The following CLDN10 variants were observed in gnomAD, a reference collection of about 807,000 sequenced individuals.
The protein encoded by CLDN10 is claudin 10.
A neutral mutation model predicts 22.9 loss-of-function variants in CLDN10; 15 were observed. The observed-to-expected ratio is 0.65, with a 90% CI of 0.44 to 1.01. The LOEUF is 1.01. Among genes scored for constraint, CLDN10 ranks in the 50% least tolerant of loss-of-function variants. The probability of loss-of-function intolerance (pLI) is 0.00; values close to 1 mark genes in which losing one functional copy is unlikely to be tolerated. For synonymous variants in CLDN10, 114 were observed against 111.4 expected (o/e 1.02, Z -0.15); for missense variants, 247 against 287.8 (o/e 0.86, Z 1.03).
chr13:95,561,799 T>G (rs916807186), intron 3 of CLDN10, among the ~76,000 whole-genome samples: 2 of 151,700 alleles, frequency 1.3e-5, no homozygotes, highest in African/African-American at 4.8e-5. Context: ...AGGGCCTCTT[T>G]CTGTCACTCA....
chr13:95,445,747 G>A (rs889207987), intron 1 of CLDN10, among the ~76,000 whole-genome samples: 14 of 152,268 alleles, frequency 9.2e-5, no homozygotes, highest in African/African-American at 3.4e-4. Context: ...GTTTGACCGA[G>A]TTTAATTTTT....
chr13:95,495,748 AAAAAAAAAAAG>A (rs1161712099), intron 1 of CLDN10, among the ~76,000 whole-genome samples: 2 of 149,812 alleles, frequency 1.3e-5, no homozygotes, highest in Non-Finnish European at 3.0e-5. Flanking sequence ...CACCTCAAAA[AAAAAAAAAAAG>A]AAAAGAAAGA....
At chr13:95,527,669 G>A (rs2043298162) in intron 1 of CLDN10, among the ~76,000 whole-genome samples, 1 of 152,200 alleles carries the variant, frequency 6.6e-6, no homozygotes, top group Non-Finnish European at 1.5e-5. Context: ...CAGGGAGCTG[G>A]AGGCTGCAGT....
chr13:95,498,665 G>T (rs2042952626), intron 1 of CLDN10, among the ~76,000 whole-genome samples: 1 of 152,156 alleles, frequency 6.6e-6, no homozygotes, highest in African/African-American at 2.4e-5. Context: ...AAAATGCTGG[G>T]ATTACAAGCA....
At chr13:95,511,999 C>T (rs1181336277) in intron 1 of CLDN10, among the ~76,000 whole-genome samples, 1 of 124,654 alleles carries the variant, frequency 8.0e-6, no homozygotes, top group African/African-American at 2.8e-5. Context: ...TCCCCCCCCT[C>T]TCCCCCCACC....
intron 1 of CLDN10, among the ~76,000 whole-genome samples, chr13:95,529,716 T>C (rs974182477): frequency 9.9e-5 from 15 of 152,194 alleles, no homozygotes; most frequent in Admixed American, 3.9e-4. Context: ...TGTGCAAAAA[T>C]CTCTGGTCAT....
intron 1 of CLDN10, among the ~76,000 whole-genome samples, chr13:95,547,149 GGGCTGGGAGAGATTACA>G (rs1186007820): frequency 6.6e-6 from 1 of 151,470 alleles, no homozygotes; most frequent in Non-Finnish European, 1.5e-5. Flanking sequence ...GCCTCTGGAG[GGGCTGGGAGAGATTACA>G]GGCACCCAGC....
Position 95,579,091 on chromosome 13 carries a change from G to T in CLDN10, c.*1077G>T, listed in dbSNP as rs541148625. Reference sequence around the variant, plus strand: ...AGTTATTTATATCCTACTGCTCAAGGTCATCGCCAAGGTGTGATTGGAAAA... The same window carrying T: ...AGTTATTTATATCCTACTGCTCAAGTTCATCGCCAAGGTGTGATTGGAAAA... On this transcript the variant is annotated 3_prime_UTR_variant, in exon 5 of 5. Transcript: ENST00000299339. The T allele has an allele frequency of 6.6e-6, 1 of 152,166 alleles. No individual in the cohort carries two copies. The allele number at this position is 152,166 out of a possible 1,614,324, so 9.4% of individuals were successfully genotyped here.
chr13:95,454,210 C>T (rs904760128), intron 1 of CLDN10, among the ~76,000 whole-genome samples: 30 of 152,046 alleles, frequency 2.0e-4, no homozygotes, highest in South Asian at 2.1e-4. Context: ...GAGGCTGAGG[C>T]GGGTGGATCA....
chr13:95,462,414 T>G (rs1008443019), intron 1 of CLDN10, among the ~76,000 whole-genome samples: 3 of 152,252 alleles, frequency 2.0e-5, no homozygotes, highest in Non-Finnish European at 4.4e-5. Context: ...AATATTGACT[T>G]CATGTCATCA....
intron 1 of CLDN10, among the ~76,000 whole-genome samples, chr13:95,482,363 T>A (rs1360686174): frequency 2.0e-5 from 3 of 152,158 alleles, no homozygotes; most frequent in African/African-American, 7.2e-5. Context: ...CTAATATATA[T>A]GGCCCAAGTC....
At chr13:95,497,095 C>T (rs948502608) in intron 1 of CLDN10, 1 of 150,706 alleles carries the variant, frequency 6.6e-6, no homozygotes, top group African/African-American at 2.4e-5. Context: ...TGCTTCTATA[C>T]AGGGCAATAC....
intron 1 of CLDN10, among the ~76,000 whole-genome samples, chr13:95,520,664 C>T (rs577715577): frequency 7.2e-5 from 11 of 152,256 alleles, no homozygotes; most frequent in East Asian, 3.9e-4. Context: ...TGAGTTACAG[C>T]GCCTGGACAA....
At chr13:95,490,965 A>T (rs1270379889) in intron 1 of CLDN10, among the ~76,000 whole-genome samples, 2 of 152,130 alleles carry the variant, frequency 1.3e-5, no homozygotes, top group East Asian at 1.9e-4. Context: ...TATGTTTAGG[A>T]TTGTGATAGC....
chr13:95,573,093 G>C (rs2043882647), intron 3 of CLDN10, among the ~76,000 whole-genome samples: 1 of 152,244 alleles, frequency 6.6e-6, no homozygotes, highest in South Asian at 2.1e-4. Context: ...ATACAGCTGG[G>C]TGGAGAGTGA....
intron 1 of CLDN10, among the ~76,000 whole-genome samples, chr13:95,471,598 G>A (rs922481526): frequency 1.3e-5 from 2 of 150,966 alleles, no homozygotes; most frequent in African/African-American, 2.4e-5. Context: ...GATTACAGTC[G>A]CTCACCACCA....
intron 1 of CLDN10, among the ~76,000 whole-genome samples, chr13:95,487,615 C>G (rs1188901757): frequency 6.6e-6 from 1 of 152,208 alleles, no homozygotes; most frequent in South Asian, 2.1e-4. Context: ...TCACATACTT[C>G]ATGAACTCAT....
rs532886979 is a variant in CLDN10 at position 95,505,308 on chromosome 13, C to A, written c.215-54824C>A. Among the ~76,000 whole-genome samples the A allele has an allele frequency of 2.6e-5, 4 of 152,258 alleles. No homozygotes were observed. In the South Asian group the frequency reaches 6.2e-4, roughly 24 times the overall value. The stretch of plus-strand genomic sequence containing the variant: ...CTCTCTCTCTGGAAATTTAGCAGAA[C>A]CCACTCATTTTTAAAGGCAGGTATT... On this transcript the variant is annotated intron_variant, in intron 1 of 4. Coordinates refer to the CLDN10 transcript ENST00000376873.
rs1425846130 is a variant in CLDN10, at chr13:95,557,289, CCTG to C, written c.221-2842_221-2840del. Reference sequence around the variant, plus strand: ...TGACTAGGTTTTTACTAACACTTCTCCTGGTGGTGTTACTTGTAAGTTTTGCCC... The same window carrying C: ...TGACTAGGTTTTTACTAACACTTCTCGTGGTGTTACTTGTAAGTTTTGCCC... On this transcript the variant is annotated intron_variant, in intron 1 of 4. Coordinates refer to ENST00000299339, the MANE Select transcript of CLDN10 (RefSeq NM_006984.5). 4.6e-5 allele frequency among the ~76,000 whole-genome samples: 7 copies of C among 152,274 alleles called. No homozygotes were observed. The South Asian group carries it at 6.2e-4, about 14-fold the overall frequency.
Sources: gnomAD v4.1 joint callset for allele counts (sites outside exome capture counted in the v4.1 genomes callset) on GRCh38, gnomAD v4.1.1 for gene constraint, MANE v1.5 for transcripts, NCBI Gene and HGNC (gene_info 2026-07-23, HGNC 2026-07-21) for gene names.